Variants in LPIN1 observed in about 807,000 individuals in gnomAD.
LPIN1 encodes the protein phosphatidate phosphatase LPIN1.
LPIN1 carries 71 observed loss-of-function variants against 107.5 expected under a neutral mutation model. The ratio of observed to expected loss-of-function variants is 0.66; its 90% CI spans 0.55 to 0.80. The LOEUF (loss-of-function observed/expected upper bound fraction) is 0.80, where lower values mean the gene tolerates loss of function less well. Ranked by LOEUF, LPIN1 falls within the 30% of genes least tolerant of loss-of-function variation. The pLI is 0.00. For missense variants in LPIN1, 1,043 were observed against 1,160.6 expected, an observed-to-expected ratio of 0.90 and a Z score of 1.47; for synonymous variants, 445 against 452.6, an observed-to-expected ratio of 0.98 and a Z score of 0.21.
chr2:11,717,203 C>G (rs1663805318), intron 2 of LPIN1, among the ~76,000 whole-genome samples: 1 of 152,206 alleles, frequency 6.6e-6, no homozygotes, highest in African/African-American at 2.4e-5. Context: ...GCCGCAGTCT[C>G]CTGTTCCTAC....
intron 1 of LPIN1, among the ~76,000 whole-genome samples, chr2:11,760,041 G>A (rs1282361967): frequency 6.6e-6 from 1 of 152,144 alleles, no homozygotes; most frequent in Non-Finnish European, 1.5e-5. Flanking sequence ...CCTCCCAGAC[G>A]GGGTCGCGGC....
At chr2:11,815,963 T>C (rs1345860013) in intron 18 of LPIN1, among the ~76,000 whole-genome samples, 8 of 152,298 alleles carry the variant, frequency 5.3e-5, no homozygotes, top group East Asian at 3.9e-4. Context: ...GCAAAAGCTA[T>C]TGTGGTCAAC....
chr2:11,708,982 A>G (rs1270673454), intron 1 of LPIN1, among the ~76,000 whole-genome samples: 1 of 152,202 alleles, frequency 6.6e-6, no homozygotes, highest in Non-Finnish European at 1.5e-5. Flanking sequence ...ATGGAGGCTC[A>G]GGAATATTAA....
At chr2:11,821,951 C>G (rs2716635) in intron 20 of LPIN1, among the ~76,000 whole-genome samples, 6,015 of 152,252 alleles carry the variant, frequency 0.04, 392 homozygotes, top group African/African-American at 0.13. Flanking sequence ...CTTTCTTAAC[C>G]CTTCCTTGCG....
At chr2:11,801,479 TGTTAA>T (rs1270669878) in intron 14 of LPIN1, among the ~76,000 whole-genome samples, 5 of 152,234 alleles carry the variant, frequency 3.3e-5, no homozygotes, top group Non-Finnish European at 7.3e-5. Context: ...GAGGTCATTA[TGTTAA>T]GTGAAATAAG....
chr2:11,773,496 C>G (rs1672194533), intron 4 of LPIN1, 124 bp from the exon 5 acceptor site: 1 of 818,504 alleles, frequency 1.2e-6, no homozygotes, highest in South Asian at 1.4e-5. Context: ...TGGAACAGAT[C>G]TGGGTGTTTA....
intron 1 of LPIN1, among the ~76,000 whole-genome samples, chr2:11,695,749 T>G (rs189899880): frequency 6.6e-6 from 1 of 152,308 alleles, no homozygotes; most frequent in Admixed American, 6.5e-5. Flanking sequence ...CATCTCTGTC[T>G]TGATTTATTG....
intron 1 of LPIN1, among the ~76,000 whole-genome samples, chr2:11,751,286 G>A (rs1667750773): frequency 8.5e-6 from 1 of 117,694 alleles, no homozygotes; most frequent in African/African-American, 3.9e-5. Flanking sequence ...AGTGGTTTCA[G>A]TGATGGAGAC....
chr2:11,765,062 G>A lies in LPIN1; in HGVS notation c.-9-471G>A, dbSNP rs1670571357. On this transcript the variant is annotated intron_variant, in intron 1 of 20. Transcript: ENST00000674199. This position sits in a 1 kb window ranked among gnomAD's most constrained non-coding sequence, Gnocchi z 4.4. Reference sequence around the variant, plus strand: ...GGGCTGTGATGGATCCTGATGGGCCGTGATGGGCTGTGATGGACCCTGGTG... The same window carrying A: ...GGGCTGTGATGGATCCTGATGGGCCATGATGGGCTGTGATGGACCCTGGTG... 6.6e-6 allele frequency among the ~76,000 whole-genome samples: 1 copy of A among 151,414 alleles called. No homozygotes were observed. The highest frequency in any genetic ancestry group is 2.4e-5 in the African/African-American group (1 of 41,192).
intron 18 of LPIN1, chr2:11,818,410 T>C (rs1680954324): frequency 6.6e-6 from 1 of 152,282 alleles, no homozygotes; most frequent in Non-Finnish European, 1.5e-5. Context: ...GATTTATTTC[T>C]AGACATTTTA....
At chr2:11,711,593 C>T (rs188740419) in intron 1 of LPIN1, among the ~76,000 whole-genome samples, 7 of 152,194 alleles carry the variant, frequency 4.6e-5, no homozygotes, top group African/African-American at 1.7e-4. Flanking sequence ...ACCTAGTCAC[C>T]CAGACTAGAA....
rs200087162 is a variant in LPIN1 at position 11,773,506 on chromosome 2, A to C, written c.597-114A>C. 2.9e-5 allele frequency: 26 copies of C among 907,470 alleles called. 1 individual carries two copies. In the East Asian group the frequency reaches 6.3e-4, roughly 22 times the overall value. The allele number at this position is 907,470 out of a possible 1,614,324, so 56.2% of individuals were successfully genotyped here. On this transcript the variant is annotated intron_variant, in intron 4 of 20. Transcript: ENST00000674199. ...CTGCCTGGAACAGATCTGGGTGTTTAAAGAGATCATGTTAATTACAAAGCA... is the reference window on the plus strand; with the variant it reads ...CTGCCTGGAACAGATCTGGGTGTTTCAAGAGATCATGTTAATTACAAAGCA...
chr2:11,724,538 A>C, exon 1 of LPIN1: 1 of 985,696 alleles, frequency 1.0e-6, no homozygotes, highest in Non-Finnish European at 1.2e-6. Context: ...CAGGAGACCC[A>C]GGTTCGCATG....
rs574383285 is a variant in LPIN1 at position 11,684,244 on chromosome 2, G to A, written c.81+6516G>A. 5.9e-5 allele frequency among the ~76,000 whole-genome samples: 9 copies of A among 152,340 alleles called. No individual in the cohort carries two copies. The South Asian group carries it at 1.9e-3, about 32-fold the overall frequency. ...GTCTGCTAGAGCAAGGGCCAGCCAGGGTGATGGACTCTCTTGTCTCCTGGG... is the reference window on the plus strand; with the variant it reads ...GTCTGCTAGAGCAAGGGCCAGCCAGAGTGATGGACTCTCTTGTCTCCTGGG... On this transcript the variant is annotated intron_variant, in intron 1 of 21. Coordinates refer to the LPIN1 transcript ENST00000449576.
chr2:11,732,903 C>CTG (rs1279943760), intron 1 of LPIN1, among the ~76,000 whole-genome samples: 1 of 145,068 alleles, frequency 6.9e-6, no homozygotes, highest in African/African-American at 2.8e-5. Flanking sequence ...TTCTCTCTCT[C>CTG]TCTCTCTCTG....
chr2:11,784,381 T>C (rs1412093118), intron 9 of LPIN1: 3 of 1,122,630 alleles, frequency 2.7e-6, no homozygotes, highest in South Asian at 2.2e-5. Flanking sequence ...GCCTGCTCTA[T>C]GGACATAAGG....
At chr2:11,718,675 G>T (rs931430332) in intron 2 of LPIN1, among the ~76,000 whole-genome samples, 2 of 152,192 alleles carry the variant, frequency 1.3e-5, no homozygotes, top group African/African-American at 4.8e-5. Context: ...ACGCCTGTCT[G>T]GCTTTGGTTT....
chr2:11,760,306 G>A (rs1476209490), intron 1 of LPIN1, among the ~76,000 whole-genome samples: 12 of 151,700 alleles, frequency 7.9e-5, no homozygotes, highest in African/African-American at 1.2e-4. Flanking sequence ...CTGCAATCTC[G>A]GCACTTTGGG....
intron 1 of LPIN1, among the ~76,000 whole-genome samples, chr2:11,702,518 G>A (rs1206596052): frequency 6.6e-6 from 1 of 152,188 alleles, no homozygotes; most frequent in Non-Finnish European, 1.5e-5. Flanking sequence ...TCAAAATACG[G>A]GAGGTAAAAA....
Sources: allele counts gnomAD v4.1 joint callset (sites outside exome capture counted in the v4.1 genomes callset), GRCh38; gene constraint gnomAD v4.1.1; non-coding constraint Gnocchi (gnomAD v3.1); transcripts MANE v1.5; gene names NCBI Gene and HGNC (gene_info 2026-07-23, HGNC 2026-07-21).